Variants in VSTM5 observed in about 807,000 individuals in gnomAD.
VSTM5 encodes the protein V-set and transmembrane domain containing 5, also known as V-set and transmembrane domain-containing protein 5.
In VSTM5, 21 loss-of-function variants were observed where a neutral mutation model predicts 20.3. The observed-to-expected ratio is 1.03, with a 90% CI of 0.73 to 1.49. The LOEUF is 1.49. Ranked by LOEUF, VSTM5 falls within the 40% of genes most tolerant of loss-of-function variation. The pLI is 0.00. For synonymous variants in VSTM5, 100 were observed against 102.5 expected (o/e 0.98, Z 0.14); for missense variants, 219 against 250.0 (o/e 0.88, Z 0.84).
intron 1 of VSTM5, among the ~76,000 whole-genome samples, chr11:93,847,273 G>T (rs527892304): frequency 3.3e-4 from 51 of 152,316 alleles, no homozygotes; most frequent in African/African-American, 1.2e-3. Context: ...GGATGGCAGC[G>T]TTGGGCAGCT....
At chr11:93,829,191 A>T (rs1452029719) in intron 1 of VSTM5, among the ~76,000 whole-genome samples, 1 of 152,146 alleles carries the variant, frequency 6.6e-6, no homozygotes, top group African/African-American at 2.4e-5. Context: ...ATTTCCCAGG[A>T]TGTGGCAGTT....
At chr11:93,845,928 G>A (rs530643623) in intron 1 of VSTM5, among the ~76,000 whole-genome samples, 1 of 152,338 alleles carries the variant, frequency 6.6e-6, no homozygotes, top group Non-Finnish European at 1.5e-5. Context: ...CAGGCAGGAT[G>A]CCTCCCATGA....
At chr11:93,821,658 T>C in intron 1 of VSTM5, 1 of 289,996 alleles carries the variant, frequency 3.4e-6, no homozygotes, top group Non-Finnish European at 6.5e-6. Flanking sequence ...CCAAGGACTC[T>C]TCTCATGACT....
chr11:93,846,777 T>TG (rs1555039412), intron 1 of VSTM5, among the ~76,000 whole-genome samples: 1 of 105,400 alleles, frequency 9.5e-6, no homozygotes, highest in African/African-American at 4.3e-5. Context: ...TTTTTTTTTT[T>TG]TTTTTTTTGA....
In VSTM5 at chr11:93,826,150, G is replaced by A. The variant is rs575222307; in HGVS notation, c.92-4827C>T. ...AGCTACTTGGAAGGCTGAAGCAGGC[G>A]GATCACCTGAGCCCAGGAGTTCCAG... On this transcript the variant is annotated intron_variant, in intron 1 of 3. Coordinates refer to ENST00000409977, the MANE Select transcript of VSTM5 (RefSeq NM_001144871.2). 7.6e-4 allele frequency among the ~76,000 whole-genome samples: 116 copies of A among 152,010 alleles called. 1 individual carries two copies. Among genetic ancestry groups the A allele is most frequent in the East Asian group, 2.2e-3 (11 of 5,106 alleles).
chr11:93,846,782 T>TG (rs11420387), intron 1 of VSTM5, among the ~76,000 whole-genome samples: 53,764 of 147,000 alleles, frequency 0.37, 9,994 homozygotes, highest in East Asian at 0.62. Context: ...TTTTTTTTTT[T>TG]TTTGAGATGG....
At chr11:93,825,822 G>A (rs917406415) in intron 1 of VSTM5, among the ~76,000 whole-genome samples, 11 of 150,842 alleles carry the variant, frequency 7.3e-5, no homozygotes, top group Non-Finnish European at 1.6e-4. Context: ...AGGCTGGAGT[G>A]CAGTGGTGCA....
intron 1 of VSTM5, among the ~76,000 whole-genome samples, chr11:93,843,513 T>C (rs1341402707): frequency 6.6e-6 from 1 of 152,110 alleles, no homozygotes; most frequent in Non-Finnish European, 1.5e-5. Flanking sequence ...CCTCAACTTC[T>C]TTGAGCCTCA....
intron 1 of VSTM5, among the ~76,000 whole-genome samples, chr11:93,833,549 C>A (rs1414073209): frequency 6.6e-6 from 1 of 152,216 alleles, no homozygotes; most frequent in Non-Finnish European, 1.5e-5. Context: ...CTGGGTGACA[C>A]AGTGAGACCC....
chr11:93,832,483 T>A (rs1164310937), intron 1 of VSTM5, among the ~76,000 whole-genome samples: 1 of 152,212 alleles, frequency 6.6e-6, no homozygotes, highest in Non-Finnish European at 1.5e-5. Context: ...GGGAGAAGAC[T>A]TTACATTTCA....
chr11:93,834,782 C>CAAAA lies in VSTM5; in HGVS notation c.92-13463_92-13460dup, dbSNP rs59156403. ...TGGGCGACAGAGTGAGACTCCGTCT[C>CAAAA]AAAAAAAAAAAAAAAAAAAAATTTA... is the stretch of plus-strand genomic sequence containing the variant. On this transcript the variant is annotated intron_variant, in intron 1 of 3. Transcript: ENST00000409977. Among the ~76,000 whole-genome samples, 8 of 59,404 alleles carry CAAAA rather than the reference C, an allele frequency of 1.3e-4. No homozygotes were observed. The East Asian group carries it at 1.8e-3, about 14-fold the overall frequency. The allele number at this position is 59,404 out of a possible 152,430, so 39.0% of individuals were successfully genotyped here.
intron 1 of VSTM5, among the ~76,000 whole-genome samples, chr11:93,833,477 G>A (rs539761703): frequency 4.1e-4 from 62 of 152,314 alleles, no homozygotes; most frequent in African/African-American, 1.4e-3. Context: ...TACTTGAGTG[G>A]CTGAGGGTGG....
At chr11:93,825,847 C>T (rs1944229698) in intron 1 of VSTM5, among the ~76,000 whole-genome samples, 5 of 150,894 alleles carry the variant, frequency 3.3e-5, no homozygotes. Flanking sequence ...TGGCTCACTG[C>T]AGCCTTGACC....
intron 1 of VSTM5, among the ~76,000 whole-genome samples, chr11:93,846,330 C>A (rs1366462701): frequency 6.6e-6 from 1 of 152,160 alleles, no homozygotes; most frequent in Admixed American, 6.5e-5. Flanking sequence ...AGGGAGCATA[C>A]TCAGGAAGGC....
intron 1 of VSTM5, among the ~76,000 whole-genome samples, chr11:93,834,628 C>G (rs892897639): frequency 6.6e-6 from 1 of 151,376 alleles, no homozygotes. Context: ...CAAAAAAATA[C>G]AAAAATTAGC....
In VSTM5 at chr11:93,839,273, G is replaced by A. The variant is rs142568652; in HGVS notation, c.91+11139C>T. Among the ~76,000 whole-genome samples, 1,025 of 152,316 alleles carry A rather than the reference G, an allele frequency of 6.7e-3. 17 individuals are homozygous for A. Among genetic ancestry groups the A allele is most frequent in the African/African-American group, 0.024 (979 of 41,568 alleles). ...AAGCTGGTTCTGGCAAGAGGCTGTC[G>A]GGCAGCAGGAGAGACTGGGCTCCCG... On this transcript the variant is annotated intron_variant, in intron 1 of 3. Coordinates refer to ENST00000409977, the MANE Select transcript of VSTM5 (RefSeq NM_001144871.2).
At chr11:93,849,682 G>A (rs1054546686) in intron 1 of VSTM5, among the ~76,000 whole-genome samples, 2 of 152,228 alleles carry the variant, frequency 1.3e-5, no homozygotes, top group Non-Finnish European at 2.9e-5. Flanking sequence ...ATGGGAGTGC[G>A]AATGGTAATG....
chr11:93,850,325 G>C (rs1318272674), intron 1 of VSTM5, 87 bp downstream of exon 1: 3 of 1,218,388 alleles, frequency 2.5e-6, no homozygotes, highest in Non-Finnish European at 3.4e-6. Context: ...GAGGGCCAGG[G>C]GGGCCGCTGC....
chr11:93,840,706 T>C (rs563575223), intron 1 of VSTM5, among the ~76,000 whole-genome samples: 1 of 152,302 alleles, frequency 6.6e-6, no homozygotes, highest in East Asian at 1.9e-4. Flanking sequence ...GTTCTCAGCA[T>C]TTGGCTCCAT....
Sources: allele counts gnomAD v4.1 joint callset (sites outside exome capture counted in the v4.1 genomes callset), GRCh38; gene constraint gnomAD v4.1.1; transcripts MANE v1.5; gene names NCBI Gene and HGNC (gene_info 2026-07-23, HGNC 2026-07-21).